RAB3B: variants seen among roughly 807,000 people sequenced by gnomAD.
The protein encoded by RAB3B is RAB3B, member RAS oncogene family.
RAB3B carries 11 observed loss-of-function variants against 20.5 expected under a neutral mutation model. That is an observed-to-expected ratio of 0.54 (90% CI 0.34 to 0.89). RAB3B has a LOEUF of 0.89. Ranked by LOEUF, RAB3B falls within the 40% of genes least tolerant of loss-of-function variation. The probability of loss-of-function intolerance (pLI) is 0.02; values close to 1 mark genes in which losing one functional copy is unlikely to be tolerated. For missense variants in RAB3B, 225 were observed against 280.9 expected (o/e 0.80, Z 1.42); for synonymous variants, 99 against 106.3 (o/e 0.93, Z 0.42).
rs193169470 is a variant in RAB3B, at chr1:51,916,680, T to G, written c.*3247A>C. 1.3e-5 allele frequency: 2 copies of G among 152,190 alleles called. No individual in the cohort carries two copies. 9.4% of individuals were successfully genotyped at this position (152,190 alleles called of 1,614,324 possible). ...TCCTGCTGATTGGGAGCCTGATAAG[T>G]GTTGCCTGGCAGAGGCAGATACAGG... On this transcript the variant is annotated 3_prime_UTR_variant, in exon 5 of 5. Transcript: ENST00000371655.
intron 2 of RAB3B, among the ~76,000 whole-genome samples, chr1:51,968,850 T>C (rs1168950881): frequency 3.9e-5 from 6 of 152,192 alleles, no homozygotes; most frequent in Admixed American, 3.3e-4. Context: ...TGTTCTCAGT[T>C]CCTGTTTATA....
At chr1:51,952,448 T>G (rs1684653341) in intron 2 of RAB3B, among the ~76,000 whole-genome samples, 1 of 152,196 alleles carries the variant, frequency 6.6e-6, no homozygotes, top group Non-Finnish European at 1.5e-5. Flanking sequence ...TTCCTTGCAT[T>G]GTTCCTCAAT....
chr1:51,938,818 A>G (rs1405984171), intron 2 of RAB3B, among the ~76,000 whole-genome samples: 2 of 151,170 alleles, frequency 1.3e-5, no homozygotes, highest in Non-Finnish European at 3.0e-5. Flanking sequence ...ACACCACCAC[A>G]CCCGGCTAAT....
In RAB3B at chr1:51,910,320, A is replaced by G. The variant is rs1036077107; in HGVS notation, c.*9607T>C. 5 of 152,184 alleles carry G rather than the reference A, an allele frequency of 3.3e-5. No individual in the cohort carries two copies. The highest frequency in any genetic ancestry group is 9.6e-5 in the African/African-American group (4 of 41,454). 9.4% of individuals were successfully genotyped at this position (152,184 alleles called of 1,614,324 possible). On this transcript the variant is annotated 3_prime_UTR_variant, in exon 5 of 5. Coordinates refer to ENST00000371655, the MANE Select transcript of RAB3B (RefSeq NM_002867.4). ...AGCTCAGCCTGGCACACACGGGTCC[A>G]TAAATTAAGTCCTCCTTGAGGTGGA...
chr1:51,967,878 A>G (rs894899451), intron 2 of RAB3B, among the ~76,000 whole-genome samples: 6 of 152,050 alleles, frequency 3.9e-5, no homozygotes, highest in Non-Finnish European at 8.8e-5. Flanking sequence ...CCAAATATAT[A>G]ATCCCTAAAA....
At position 51,915,352 on chromosome 1, in the gene RAB3B, G is replaced by T. The variant is rs1411747441; in HGVS notation, c.*4575C>A. 2.0e-5 allele frequency: 3 copies of T among 151,832 alleles called. No homozygotes were observed. The highest frequency in any genetic ancestry group is 4.4e-5 in the Non-Finnish European group (3 of 67,958). 9.4% of individuals were successfully genotyped at this position (151,832 alleles called of 1,614,324 possible). On this transcript the variant is annotated 3_prime_UTR_variant, in exon 5 of 5. Transcript: ENST00000371655. ...TAGAGGTGATCCAGGACCTAGTCCTGGCTCCATCACTGTGATACTCTCAGA... is the reference window on the plus strand; with the variant it reads ...TAGAGGTGATCCAGGACCTAGTCCTTGCTCCATCACTGTGATACTCTCAGA...
chr1:51,956,576 A>G (rs1320252938), intron 2 of RAB3B, among the ~76,000 whole-genome samples: 1 of 152,162 alleles, frequency 6.6e-6, no homozygotes, highest in Non-Finnish European at 1.5e-5. Context: ...ACCAACCTGG[A>G]CAACTCCATA....
At chr1:51,937,490 A>C in intron 2 of RAB3B, 78 bp from the exon 3 acceptor site, 1 of 962,098 alleles carries the variant, frequency 1.0e-6, no homozygotes, top group Non-Finnish European at 1.5e-6. Context: ...CAATTAACTA[A>C]TAACCCAAGA....
intron 1 of RAB3B, chr1:51,980,807 C>A (rs1685077423): frequency 2.7e-6 from 2 of 748,202 alleles, no homozygotes; most frequent in South Asian, 1.4e-5. Context: ...CGACCCCCAC[C>A]AAAGCCCATG....
rs1465544903 is a variant in RAB3B at position 51,910,174 on chromosome 1, C to T, written c.*9753G>A. The T allele has an allele frequency of 6.6e-6, 1 of 152,182 alleles. No homozygotes were observed. The highest frequency in any genetic ancestry group is 1.5e-5 in the Non-Finnish European group (1 of 68,036). The allele number at this position is 152,182 out of a possible 1,614,324, so 9.4% of individuals were successfully genotyped here. A position where few individuals can be genotyped will look rare whatever the true frequency, so the allele number is the denominator to read the frequency against. On this transcript the variant is annotated 3_prime_UTR_variant, in exon 5 of 5. Coordinates refer to ENST00000371655, the MANE Select transcript of RAB3B (RefSeq NM_002867.4). ...CTTAACTATTCTGCCTTATGACCTT[C>T]TGAAACCTCATCCTGTGGTCTGATG...
intron 2 of RAB3B, among the ~76,000 whole-genome samples, chr1:51,941,221 G>A (rs1182225193): frequency 1.3e-5 from 2 of 152,124 alleles, no homozygotes; most frequent in African/African-American, 4.8e-5. Flanking sequence ...TACTCCTGAA[G>A]AACTTCAGGA....
chr1:51,925,327 C>T (rs1684230015), intron 4 of RAB3B, among the ~76,000 whole-genome samples: 2 of 152,224 alleles, frequency 1.3e-5, no homozygotes, highest in South Asian at 2.1e-4. Context: ...TTTTCATTCT[C>T]TGGAACTTTG....
intron 2 of RAB3B, among the ~76,000 whole-genome samples, chr1:51,967,099 G>A (rs1047626345): frequency 6.6e-6 from 1 of 152,104 alleles, no homozygotes; most frequent in African/African-American, 2.4e-5. Flanking sequence ...GATCAACTGA[G>A]GTCAGGAGTT....
rs773583273 is a variant in RAB3B, at chr1:51,911,214, G to A, written c.*8713C>T. ...AGTCATAGGAAACTTTGCCTGTGCT[G>A]TCATCAGTGTCCATGGAGAACTGCT... On this transcript the variant is annotated 3_prime_UTR_variant, in exon 5 of 5. Transcript: ENST00000371655. 6.6e-6 allele frequency: 1 copy of A among 152,192 alleles called. No homozygotes were observed. Among genetic ancestry groups the A allele is most frequent in the Admixed American group, 6.5e-5 (1 of 15,268 alleles). The allele number at this position is 152,192 out of a possible 1,614,324, so 9.4% of individuals were successfully genotyped here.
chr1:51,986,291 C>G (rs1685150541), intron 1 of RAB3B, among the ~76,000 whole-genome samples: 1 of 151,932 alleles, frequency 6.6e-6, no homozygotes, highest in Admixed American at 6.6e-5. Flanking sequence ...GCTGGGACTA[C>G]AGACACCCGC....
At chr1:51,960,416 C>T (rs576647849) in intron 2 of RAB3B, among the ~76,000 whole-genome samples, 4 of 152,290 alleles carry the variant, frequency 2.6e-5, no homozygotes, top group Admixed American at 1.3e-4. Flanking sequence ...AGAGCCCCTG[C>T]GTCATTAGCA....
intron 2 of RAB3B, among the ~76,000 whole-genome samples, chr1:51,957,183 G>A (rs892013603): frequency 5.3e-5 from 8 of 152,108 alleles, no homozygotes; most frequent in Admixed American, 1.3e-4. Context: ...CCAGGAGGAA[G>A]AAAAAAACGG....
chr1:51,961,985 C>T (rs1487895249), intron 2 of RAB3B, among the ~76,000 whole-genome samples: 3 of 152,036 alleles, frequency 2.0e-5, no homozygotes, highest in African/African-American at 4.8e-5. Context: ...TTGGCAAGGC[C>T]GGTCTCAAAC....
At position 51,915,595 on chromosome 1, in the gene RAB3B, A is replaced by T. The variant is rs182239974; in HGVS notation, c.*4332T>A. ...AATCACTTTGTATTTACAGATACACATGCATTTAAAATAGATGTAAATAAA... is the reference window on the plus strand; with the variant it reads ...AATCACTTTGTATTTACAGATACACTTGCATTTAAAATAGATGTAAATAAA... On this transcript the variant is annotated 3_prime_UTR_variant, in exon 5 of 5. Coordinates refer to ENST00000371655, the MANE Select transcript of RAB3B (RefSeq NM_002867.4). 6.6e-6 allele frequency: 1 copy of T among 152,358 alleles called. No individual in the cohort carries two copies. Among genetic ancestry groups the T allele is most frequent in the East Asian group, 1.9e-4 (1 of 5,188 alleles). 9.4% of individuals were successfully genotyped at this position (152,358 alleles called of 1,614,324 possible).
Sources: allele counts gnomAD v4.1 joint callset (sites outside exome capture counted in the v4.1 genomes callset), GRCh38; gene constraint gnomAD v4.1.1; transcripts MANE v1.5; gene names NCBI Gene and HGNC (gene_info 2026-07-23, HGNC 2026-07-21).